The following CPQ variants were observed in gnomAD, a reference collection of about 807,000 sequenced individuals.
The protein encoded by CPQ is carboxypeptidase Q, also known as Ser-Met dipeptidase.
In CPQ, 37 loss-of-function variants were observed where a neutral mutation model predicts 45.7. The ratio of observed to expected loss-of-function variants is 0.81; its 90% CI spans 0.62 to 1.07. The LOEUF is 1.07. CPQ is among the 50% of genes least tolerant of loss of function. CPQ has a pLI of 0.00. For synonymous variants in CPQ, 186 were observed against 205.8 expected (o/e 0.90, Z 0.82); for missense variants, 537 against 572.9 (o/e 0.94, Z 0.64).
At chr8:96,785,823 C>T (rs943495070) in intron 2 of CPQ, among the ~76,000 whole-genome samples, 6 of 152,122 alleles carry the variant, frequency 3.9e-5, no homozygotes, top group Non-Finnish European at 7.4e-5. Flanking sequence ...TATAAGCACC[C>T]TGGATCAGCT....
intron 5 of CPQ, among the ~76,000 whole-genome samples, chr8:97,017,872 C>G (rs1809610035): frequency 6.6e-6 from 1 of 152,130 alleles, no homozygotes; most frequent in African/African-American, 2.4e-5. Context: ...CCTGTTCCTC[C>G]CCATATTACC....
chr8:96,926,605 C>CTTCTTCTTCTTCTTG (rs1812888810), intron 4 of CPQ, among the ~76,000 whole-genome samples: 2 of 146,400 alleles, frequency 1.4e-5, no homozygotes, highest in Non-Finnish European at 3.0e-5. Context: ...TCTTCTTCTT[C>CTTCTTCTTCTTCTTG]TTCTTCTTCT....
intron 2 of CPQ, among the ~76,000 whole-genome samples, chr8:96,798,153 C>G (rs1810960559): frequency 6.6e-6 from 1 of 151,102 alleles, no homozygotes; most frequent in Non-Finnish European, 1.5e-5. Flanking sequence ...ATATATATTT[C>G]TGGTCTTACT....
intron 4 of CPQ, among the ~76,000 whole-genome samples, chr8:96,920,810 C>A (rs1032566564): frequency 6.6e-6 from 1 of 152,088 alleles, no homozygotes; most frequent in African/African-American, 2.4e-5. Flanking sequence ...ATCTGCAAGC[C>A]ACAGAAAGAG....
intron 6 of CPQ, among the ~76,000 whole-genome samples, chr8:97,042,163 G>T (rs1311400085): frequency 0.019 from 2,853 of 151,806 alleles, 42 homozygotes; most frequent in African/African-American, 0.061. Context: ...CAATTTCAGA[G>T]CCTGTTATTG....
chr8:97,048,420 A>C (rs1343306834), intron 6 of CPQ, among the ~76,000 whole-genome samples: 1 of 152,184 alleles, frequency 6.6e-6, no homozygotes, highest in African/African-American at 2.4e-5. Context: ...GAGACATTTA[A>C]ATATTACTTG....
intron 1 of CPQ, among the ~76,000 whole-genome samples, chr8:96,689,738 T>C (rs1009656313): frequency 6.6e-6 from 1 of 152,164 alleles, no homozygotes; most frequent in African/African-American, 2.4e-5. Flanking sequence ...TTGGGGACAC[T>C]AGTTGTACAT....
chr8:96,803,540 A>G (rs1215693653), intron 2 of CPQ, among the ~76,000 whole-genome samples: 2 of 152,166 alleles, frequency 1.3e-5, no homozygotes, highest in East Asian at 3.8e-4. Context: ...AGAGAGAAAA[A>G]GAAGAGGGTT....
intron 1 of CPQ, among the ~76,000 whole-genome samples, chr8:96,688,409 A>AGTATG (rs1809262944): frequency 6.6e-6 from 1 of 151,946 alleles, no homozygotes. Flanking sequence ...TCTTTTAATG[A>AGTATG]GTATGTTTAG....
chr8:96,817,315 A>T (rs1205728672), intron 2 of CPQ, among the ~76,000 whole-genome samples: 1 of 152,150 alleles, frequency 6.6e-6, no homozygotes, highest in Non-Finnish European at 1.5e-5. Flanking sequence ...GGTGCAGTTC[A>T]TGGTGCTCCA....
chr8:96,671,880 A>AGAAG (rs1809008330), intron 1 of CPQ, among the ~76,000 whole-genome samples: 1 of 152,146 alleles, frequency 6.6e-6, no homozygotes, highest in Non-Finnish European at 1.5e-5. Context: ...AAAATTGAAA[A>AGAAG]CTTGGGGCAA....
chr8:96,867,933 G>C (rs1161232926), intron 3 of CPQ, among the ~76,000 whole-genome samples: 1 of 151,968 alleles, frequency 6.6e-6, no homozygotes, highest in Non-Finnish European at 1.5e-5. Context: ...ATTAGCACTG[G>C]TTTCTAGATA....
chr8:96,897,609 C>T (rs1387705125), intron 4 of CPQ, among the ~76,000 whole-genome samples: 1 of 152,154 alleles, frequency 6.6e-6, no homozygotes, highest in Non-Finnish European at 1.5e-5. Flanking sequence ...ATGAAATTAT[C>T]TTCAGACTAT....
intron 3 of CPQ, among the ~76,000 whole-genome samples, chr8:96,852,464 C>T (rs1044435289): frequency 1.3e-5 from 2 of 152,132 alleles, no homozygotes; most frequent in African/African-American, 2.4e-5. Flanking sequence ...TCCCCACCTT[C>T]CAGCATTAGG....
Position 96,954,962 on chromosome 8 carries a change from G to A in CPQ, c.850-10973G>A, listed in dbSNP as rs1305664574. Among the ~76,000 whole-genome samples the A allele has an allele frequency of 2.6e-5, 4 of 152,206 alleles. No individual in the cohort carries two copies. In the South Asian group the frequency reaches 6.2e-4, roughly 24 times the overall value. On this transcript the variant is annotated intron_variant, in intron 4 of 7. Transcript: ENST00000220763. ...TTATGGCTGCATAGTATTCCATGAT[G>A]TATATGTGCCACATTTTCTTAATCC... is the stretch of plus-strand genomic sequence containing the variant.
At chr8:97,043,657 C>A (rs1810176187) in intron 6 of CPQ, among the ~76,000 whole-genome samples, 1 of 152,192 alleles carries the variant, frequency 6.6e-6, no homozygotes, top group African/African-American at 2.4e-5. Flanking sequence ...GTGCTTCCTT[C>A]AGGAGCTCTT....
intron 7 of CPQ, among the ~76,000 whole-genome samples, chr8:97,084,359 CTTCTT>C (rs1185554279): frequency 6.6e-6 from 1 of 152,038 alleles, no homozygotes. Context: ...TGATCTTTTG[CTTCTT>C]TTATTTTCTT....
chr8:96,699,476 C>G (rs1373742877), intron 1 of CPQ, among the ~76,000 whole-genome samples: 1 of 151,978 alleles, frequency 6.6e-6, no homozygotes, highest in Non-Finnish European at 1.5e-5. Flanking sequence ...TTAAAAATAA[C>G]TAAAAGAGTA....
At chr8:96,779,824 ATTAG>A (rs1019722054) in intron 1 of CPQ, among the ~76,000 whole-genome samples, 19 of 152,174 alleles carry the variant, frequency 1.2e-4, no homozygotes, top group African/African-American at 4.1e-4. Flanking sequence ...AAATTTTTTT[ATTAG>A]TTAACAAAAT....
Sources: allele counts gnomAD v4.1 joint callset (sites outside exome capture counted in the v4.1 genomes callset), GRCh38; gene constraint gnomAD v4.1.1; transcripts MANE v1.5; gene names NCBI Gene and HGNC (gene_info 2026-07-23, HGNC 2026-07-21).